The following EBF2 variants were observed in gnomAD, a reference collection of about 807,000 sequenced individuals.
The protein encoded by EBF2 is transcription factor COE2.
Under a neutral mutation model 72.8 loss-of-function variants are expected in EBF2, and 21 were observed. That is an observed-to-expected ratio of 0.29 (90% CI 0.20 to 0.42). The LOEUF (loss-of-function observed/expected upper bound fraction) is 0.42, where lower values mean the gene tolerates loss of function less well. Ranked by LOEUF, EBF2 falls within the 10% of genes least tolerant of loss-of-function variation. The probability of loss-of-function intolerance (pLI) is 1.00; values close to 1 mark genes in which losing one functional copy is unlikely to be tolerated. For synonymous variants in EBF2, 299 were observed against 274.2 expected (o/e 1.09, Z -0.89); for missense variants, 637 against 731.2 (o/e 0.87, Z 1.49).
chr8:25,946,887 T>C (rs1803777265), intron 6 of EBF2, among the ~76,000 whole-genome samples: 1 of 152,222 alleles, frequency 6.6e-6, no homozygotes, highest in Non-Finnish European at 1.5e-5. Context: ...ATGGTTACTG[T>C]AGTGGAGAGG....
At chr8:25,846,736 A>T (rs749078620) in intron 15 of EBF2, among the ~76,000 whole-genome samples, 5 of 152,112 alleles carry the variant, frequency 3.3e-5, no homozygotes, top group Non-Finnish European at 5.9e-5. Flanking sequence ...GCTCAGAGAG[A>T]TACCAAAGGG....
At chr8:25,926,040 C>G (rs1042967080) in intron 6 of EBF2, among the ~76,000 whole-genome samples, 32 of 152,116 alleles carry the variant, frequency 2.1e-4, no homozygotes, top group Non-Finnish European at 4.6e-4. Flanking sequence ...GCCCCCAAGT[C>G]CCAATAGGTG....
chr8:25,914,067 G>A (rs1803172314), intron 6 of EBF2, among the ~76,000 whole-genome samples: 1 of 152,128 alleles, frequency 6.6e-6, no homozygotes, highest in Non-Finnish European at 1.5e-5. Context: ...CTCTCCACAA[G>A]TTTACATCCT....
At chr8:25,894,339 C>A (rs1029253594) in intron 7 of EBF2, among the ~76,000 whole-genome samples, 1 of 152,132 alleles carries the variant, frequency 6.6e-6, no homozygotes, top group Non-Finnish European at 1.5e-5. Context: ...CACTGATATT[C>A]GTCTATTTGG....
intron 10 of EBF2, among the ~76,000 whole-genome samples, chr8:25,865,414 G>T (rs1434949350): frequency 6.6e-6 from 1 of 151,988 alleles, no homozygotes; most frequent in Non-Finnish European, 1.5e-5. Flanking sequence ...ATCTGTGCAG[G>T]AAGTCTATGG....
intron 6 of EBF2, among the ~76,000 whole-genome samples, chr8:25,956,293 C>T (rs1242579812): frequency 6.6e-6 from 1 of 151,952 alleles, no homozygotes; most frequent in African/African-American, 2.4e-5. Context: ...TGGCACATGC[C>T]TGTAATCCCA....
At chr8:25,854,262 T>G in intron 14 of EBF2, among the ~76,000 whole-genome samples, 1 of 146,880 alleles carries the variant, frequency 6.8e-6, no homozygotes, top group Admixed American at 6.7e-5. Flanking sequence ...AAGCAAGAGA[T>G]GAATAAATCC....
intron 15 of EBF2, among the ~76,000 whole-genome samples, chr8:25,846,045 T>C (rs764722138): frequency 5.9e-5 from 9 of 152,184 alleles, no homozygotes; most frequent in Non-Finnish European, 8.8e-5. Context: ...ATATAGCCTT[T>C]ATTGAATGTT....
Position 25,886,742 on chromosome 8 carries a change from T to G in EBF2, c.1009+13A>C, listed in dbSNP as rs760647893. 11 of 1,603,362 alleles carry G rather than the reference T, an allele frequency of 6.9e-6. No homozygotes were observed. The highest frequency in any genetic ancestry group is 7.7e-6 in the Non-Finnish European group (9 of 1,174,672). ...CAGAAGCCAGCCTCTCTTGGAATCG[T>G]TTTCTCACCTACCTGTGTAAATGAA... On this transcript the variant is annotated intron_variant, in intron 10 of 15. Coordinates refer to ENST00000520164, the MANE Select transcript of EBF2 (RefSeq NM_022659.4).
chr8:25,973,778 C>A (rs950344431), intron 6 of EBF2, among the ~76,000 whole-genome samples: 1 of 152,122 alleles, frequency 6.6e-6, no homozygotes, highest in African/African-American at 2.4e-5. Context: ...TGGGCTCAAA[C>A]GATCTTCCCA....
Position 26,040,925 on chromosome 8 carries a change from G to A in EBF2, c.352+14C>T, listed in dbSNP as rs748461595. 1.9e-6 allele frequency: 3 copies of A among 1,613,978 alleles called. No homozygotes were observed. Among genetic ancestry groups the A allele is most frequent in the East Asian group, 2.2e-5 (1 of 44,876 alleles). On this transcript the variant is annotated intron_variant, in intron 3 of 15. Coordinates refer to ENST00000520164, the MANE Select transcript of EBF2 (RefSeq NM_022659.4). ...TGCTAGGCGCCGGCTCACCGTTGCT[G>A]TAGAAGAGCTCACCGTTGCTGTAGA...
chr8:25,927,187 C>T (rs1009650033), intron 6 of EBF2, among the ~76,000 whole-genome samples: 20 of 152,078 alleles, frequency 1.3e-4, no homozygotes, highest in African/African-American at 4.6e-4. Context: ...AATTCTGCCT[C>T]AAAACTGGAG....
chr8:25,893,804 T>C (rs894786176), intron 7 of EBF2, among the ~76,000 whole-genome samples: 4 of 152,226 alleles, frequency 2.6e-5, no homozygotes, highest in Admixed American at 2.0e-4. Context: ...GGAGTGAGAC[T>C]TAGTTCCAAA....
chr8:25,992,061 C>T (rs920622961), intron 6 of EBF2, among the ~76,000 whole-genome samples: 8 of 151,870 alleles, frequency 5.3e-5, no homozygotes, highest in African/African-American at 1.7e-4. Flanking sequence ...GACAGAGTCT[C>T]ACTCTGTCAC....
rs566286894 is a variant in EBF2 at position 25,951,803 on chromosome 8, A to G, written c.552-43248T>C. Among the ~76,000 whole-genome samples, 135 of 152,358 alleles carry G rather than the reference A, an allele frequency of 8.9e-4. 2 individuals are homozygous for G. Among genetic ancestry groups the G allele is most frequent in the Middle Eastern group, 6.8e-3 (2 of 294 alleles). The stretch of plus-strand genomic sequence containing the variant: ...TTTATAGACAGGTATGGAAAAGCAC[A>G]GAAAGGAAAAGCAGTGACTTCAAGA... On this transcript the variant is annotated intron_variant, in intron 6 of 15. Transcript: ENST00000520164.
At chr8:25,854,864 T>C (rs1802054620) in intron 14 of EBF2, among the ~76,000 whole-genome samples, 1 of 152,204 alleles carries the variant, frequency 6.6e-6, no homozygotes, top group Non-Finnish European at 1.5e-5. Flanking sequence ...GGTCTAAGGC[T>C]CTGAACATGA....
At chr8:25,925,493 G>T (rs569181628) in intron 6 of EBF2, among the ~76,000 whole-genome samples, 1 of 152,078 alleles carries the variant, frequency 6.6e-6, no homozygotes, top group South Asian at 2.1e-4. Flanking sequence ...ATTATCATTT[G>T]TCAGCCTTTG....
chr8:25,958,447 A>G (rs993089728), intron 6 of EBF2, among the ~76,000 whole-genome samples: 4 of 151,928 alleles, frequency 2.6e-5, no homozygotes, highest in African/African-American at 9.7e-5. Context: ...ACTTTATTCA[A>G]TGAACACATC....
At chr8:25,926,092 G>C (rs1211459103) in intron 6 of EBF2, among the ~76,000 whole-genome samples, 1 of 152,136 alleles carries the variant, frequency 6.6e-6, no homozygotes, top group East Asian at 1.9e-4. Flanking sequence ...AGCTCGAAGG[G>C]CTTAAGGGAA....
Sources: allele counts gnomAD v4.1 joint callset (sites outside exome capture counted in the v4.1 genomes callset), GRCh38; gene constraint gnomAD v4.1.1; transcripts MANE v1.5; gene names NCBI Gene and HGNC (gene_info 2026-07-23, HGNC 2026-07-21).